GABRB3: variants seen among roughly 807,000 people sequenced by gnomAD.
GABRB3 encodes gamma-aminobutyric acid receptor subunit beta-3.
A neutral mutation model predicts 52.1 loss-of-function variants in GABRB3; 14 were observed. The observed-to-expected ratio is 0.27, with a 90% CI of 0.18 to 0.42. GABRB3 has a LOEUF of 0.42. Ranked by LOEUF, GABRB3 falls within the 10% of genes least tolerant of loss-of-function variation. The pLI, the probability that GABRB3 is intolerant of heterozygous loss-of-function variation, is 1.00. For synonymous variants in GABRB3, 260 were observed against 232.3 expected, an observed-to-expected ratio of 1.12 and a Z score of -1.08; for missense variants, 307 against 609.1, an observed-to-expected ratio of 0.50 and a Z score of 5.22.
upstream of GABRB3, among the ~76,000 whole-genome samples, chr15:26,773,246 C>T (rs956391417): frequency 6.7e-6 from 1 of 150,002 alleles, no homozygotes; most frequent in Non-Finnish European, 1.5e-5. Context: ...CGCCTCGGCC[C>T]GAGGCCGGGG....
chr15:26,714,230 A>G (rs577308814), intron 3 of GABRB3, among the ~76,000 whole-genome samples: 1 of 152,350 alleles, frequency 6.6e-6, no homozygotes, highest in African/African-American at 2.4e-5. Context: ...GTGAGGATGT[A>G]GTGAGATGAT....
In GABRB3 at chr15:26,615,944, CT is replaced by C; in HGVS notation, c.461+5369del. 3 of 1,288,822 alleles carry C rather than the reference CT, an allele frequency of 2.3e-6. No homozygotes were observed. The South Asian group carries it at 3.7e-5, about 16-fold the overall frequency. The allele number at this position is 1,288,822 out of a possible 1,614,324, so 79.8% of individuals were successfully genotyped here. A position where few individuals can be genotyped will look rare whatever the true frequency, so the allele number is the denominator to read the frequency against. ...CTGGGCAGGACCTTCCTCAGCAGTA[CT>C]TTACAAGCAGGAACAGCAGGAACAA... On this transcript the variant is annotated intron_variant, in intron 4 of 8. Coordinates refer to ENST00000311550, the MANE Select transcript of GABRB3 (RefSeq NM_000814.6).
At chr15:26,609,431 G>C (rs1426221) in intron 4 of GABRB3, among the ~76,000 whole-genome samples, 146,180 of 152,210 alleles carry the variant, frequency 0.96, 70,331 homozygotes, top group East Asian at 1. Flanking sequence ...ATTTTTGGTT[G>C]AATACAATAA....
At chr15:26,655,083 CCTCA>C (rs1274333597) in intron 3 of GABRB3, among the ~76,000 whole-genome samples, 1 of 151,962 alleles carries the variant, frequency 6.6e-6, no homozygotes, top group Non-Finnish European at 1.5e-5. Flanking sequence ...CAAACAAAAC[CCTCA>C]CTATCTTGAG....
At chr15:26,686,199 C>A (rs7172530) in intron 3 of GABRB3, among the ~76,000 whole-genome samples, 17,874 of 152,202 alleles carry the variant, frequency 0.12, 1,109 homozygotes, top group Non-Finnish European at 0.15. Flanking sequence ...CCTGCCTCCA[C>A]CTCTCAAGTT....
chr15:26,583,983 AG>A (rs1433117671), intron 4 of GABRB3, among the ~76,000 whole-genome samples: 1 of 152,040 alleles, frequency 6.6e-6, no homozygotes, highest in African/African-American at 2.4e-5. Context: ...TCACCATGTT[AG>A]CCAGGATGGT....
intron 4 of GABRB3, among the ~76,000 whole-genome samples, chr15:26,589,779 C>T (rs1048884560): frequency 6.6e-5 from 10 of 152,194 alleles, no homozygotes; most frequent in African/African-American, 2.2e-4. Flanking sequence ...CCTAGAACGG[C>T]AGCAACCCCA....
chr15:26,735,637 G>A (rs1173037438), intron 3 of GABRB3, among the ~76,000 whole-genome samples: 1 of 152,142 alleles, frequency 6.6e-6, no homozygotes, highest in African/African-American at 2.4e-5. Flanking sequence ...AAACCTTGAG[G>A]CCATTATTCT....
chr15:26,621,540 G>C lies in GABRB3; in HGVS notation c.241-6C>G. ...TACATGGTTAAGGTATAATCCTGGG[G>C]GGAAAAGAAAAGAAAGAAAGTTAGT... On this transcript the variant is annotated splice_polypyrimidine_tract_variant and splice_region_variant and intron_variant, in intron 3 of 8. Coordinates refer to ENST00000311550, the MANE Select transcript of GABRB3 (RefSeq NM_000814.6). This position sits in a 1 kb window ranked among gnomAD's most constrained non-coding sequence, Gnocchi z 4.1. 6.2e-7 allele frequency: 1 copy of C among 1,607,372 alleles called. No homozygotes were observed. Among genetic ancestry groups the C allele is most frequent in the African/African-American group, 1.3e-5 (1 of 74,878 alleles).
chr15:26,728,462 C>A (rs964871737), intron 3 of GABRB3, among the ~76,000 whole-genome samples: 1 of 152,090 alleles, frequency 6.6e-6, no homozygotes, highest in Non-Finnish European at 1.5e-5. Flanking sequence ...TATAAGGATG[C>A]ACATCACTTC....
intron 4 of GABRB3, among the ~76,000 whole-genome samples, chr15:26,597,674 AG>A (rs1891444333): frequency 6.6e-6 from 1 of 152,242 alleles, no homozygotes; most frequent in South Asian, 2.1e-4. Context: ...TCCATGGAAT[AG>A]AAAACCTGCC....
chr15:26,711,852 C>T (rs1346151), intron 3 of GABRB3, among the ~76,000 whole-genome samples: 50,595 of 151,874 alleles, frequency 0.33, 8,949 homozygotes, highest in Middle Eastern at 0.45. Flanking sequence ...TGTCAATTTG[C>T]GAAAAGTAAA....
chr15:26,558,976 G>C (rs1303709212), intron 8 of GABRB3, among the ~76,000 whole-genome samples: 1 of 152,206 alleles, frequency 6.6e-6, no homozygotes, highest in African/African-American at 2.4e-5. Flanking sequence ...GAAGCCCCAG[G>C]AAACTTATAA....
rs571681531 is a variant in GABRB3, at chr15:26,672,203, G to A, written c.241-50669C>T. Among the ~76,000 whole-genome samples, 4 of 152,224 alleles carry A rather than the reference G, an allele frequency of 2.6e-5. No individual in the cohort carries two copies. The East Asian group carries it at 7.7e-4, about 29-fold the overall frequency. ...TGAAGACATTTGAGAATCAAGGAAC[G>A]CAGGAAGAAACTTTCTCTAAATTCT... is the stretch of plus-strand genomic sequence containing the variant. On this transcript the variant is annotated intron_variant, in intron 3 of 8. Coordinates refer to ENST00000311550, the MANE Select transcript of GABRB3 (RefSeq NM_000814.6).
intron 3 of GABRB3, among the ~76,000 whole-genome samples, chr15:26,721,892 A>T (rs143466772): frequency 1.3e-3 from 193 of 152,150 alleles, no homozygotes; most frequent in African/African-American, 4.5e-3. Flanking sequence ...TGAGAACATC[A>T]AAGAAAGACC....
chr15:26,719,350 C>T (rs1287278453), intron 3 of GABRB3, among the ~76,000 whole-genome samples: 1 of 152,216 alleles, frequency 6.6e-6, no homozygotes, highest in African/African-American at 2.4e-5. Flanking sequence ...CAGGTTGGCA[C>T]CCTCTACAAA....
chr15:26,664,574 G>T (rs573771904), intron 3 of GABRB3, among the ~76,000 whole-genome samples: 6 of 151,584 alleles, frequency 4.0e-5, no homozygotes, highest in African/African-American at 1.5e-4. Context: ...ATTATTATGG[G>T]TACCTCATAG....
chr15:26,742,115 A>C (rs1222560570), intron 3 of GABRB3, among the ~76,000 whole-genome samples: 1 of 152,082 alleles, frequency 6.6e-6, no homozygotes, highest in Non-Finnish European at 1.5e-5. Context: ...CCATATCCTT[A>C]GTAATGCTGG....
chr15:26,659,760 T>C (rs1000274188), intron 3 of GABRB3, among the ~76,000 whole-genome samples: 2 of 152,194 alleles, frequency 1.3e-5, no homozygotes, highest in African/African-American at 4.8e-5. Context: ...AGCATGTTCC[T>C]GGAGAGCAAG....
Sources: allele counts gnomAD v4.1 joint callset (sites outside exome capture counted in the v4.1 genomes callset), GRCh38; gene constraint gnomAD v4.1.1; non-coding constraint Gnocchi (gnomAD v3.1); transcripts MANE v1.5; gene names NCBI Gene and HGNC (gene_info 2026-07-23, HGNC 2026-07-21).